The following NTM variants were observed in gnomAD, a reference collection of about 807,000 sequenced individuals.
NTM encodes IgLON family member 2.
NTM carries 13 observed loss-of-function variants against 42.1 expected under a neutral mutation model. That is an observed-to-expected ratio of 0.31 (90% confidence interval 0.20 to 0.49). The LOEUF (loss-of-function observed/expected upper bound fraction) is 0.49. NTM is among the 20% of genes least tolerant of loss of function. The pLI is 0.99. For missense variants in NTM, 373 were observed against 452.8 expected (o/e 0.82, Z 1.60); for synonymous variants, 187 against 179.2 (o/e 1.04, Z -0.35).
intron 1 of NTM, among the ~76,000 whole-genome samples, chr11:131,425,717 A>T (rs1392405708): frequency 6.6e-6 from 1 of 152,122 alleles, no homozygotes; most frequent in Non-Finnish European, 1.5e-5. Flanking sequence ...GGAGCTAGGG[A>T]GGGGGCTGAT....
intron 1 of NTM, among the ~76,000 whole-genome samples, chr11:131,585,100 G>A (rs1209568943): frequency 6.6e-6 from 1 of 152,228 alleles, no homozygotes; most frequent in Non-Finnish European, 1.5e-5. Context: ...GGACGGATGG[G>A]AGGAGGAGGA....
At chr11:131,877,944 G>T (rs536329267) in intron 1 of NTM, 1 of 152,258 alleles carries the variant, frequency 6.6e-6, no homozygotes, top group African/African-American at 2.4e-5. Flanking sequence ...CGACACCTGC[G>T]ATGGGGGTAT....
intron 1 of NTM, among the ~76,000 whole-genome samples, chr11:131,672,348 T>G (rs767248676): frequency 5.9e-5 from 9 of 152,186 alleles, no homozygotes; most frequent in Non-Finnish European, 1.2e-4. Flanking sequence ...CTTGAGCAAA[T>G]GAGCCTCCTT....
intron 1 of NTM, among the ~76,000 whole-genome samples, chr11:131,621,636 CAAAAAAAAAAAA>C (rs527788930): frequency 2.0e-5 from 2 of 98,998 alleles, no homozygotes; most frequent in Non-Finnish European, 4.0e-5. Context: ...CCTATCTTTA[CAAAAAAAAAAAA>C]AAAAAAAAAA....
chr11:131,376,340 G>A (rs903333894), intron 1 of NTM, among the ~76,000 whole-genome samples: 5 of 151,924 alleles, frequency 3.3e-5, no homozygotes, highest in Admixed American at 6.6e-5. Context: ...TGTCTGTTTC[G>A]GTTTTTCTTG....
intron 1 of NTM, among the ~76,000 whole-genome samples, chr11:131,633,306 C>G (rs530477400): frequency 1.3e-5 from 2 of 152,226 alleles, no homozygotes; most frequent in Admixed American, 6.5e-5. Context: ...ACATATTTTA[C>G]CCATCCCTTA....
chr11:131,590,706 T>C (rs907645803), intron 1 of NTM, among the ~76,000 whole-genome samples: 2 of 152,364 alleles, frequency 1.3e-5, no homozygotes, highest in African/African-American at 4.8e-5. Context: ...CTCATCTGCA[T>C]GGCAATTGAT....
chr11:132,007,410 G>C (rs1406390619), intron 2 of NTM, among the ~76,000 whole-genome samples: 1 of 152,150 alleles, frequency 6.6e-6, no homozygotes, highest in African/African-American at 2.4e-5. Context: ...CACTAGGAGA[G>C]TCAGGAGGGC....
chr11:131,820,604 C>T (rs1004180865), intron 1 of NTM, among the ~76,000 whole-genome samples: 1 of 152,148 alleles, frequency 6.6e-6, no homozygotes, highest in African/African-American at 2.4e-5. Flanking sequence ...CCCTCTCTCC[C>T]ACAGAGTTCA....
In NTM at chr11:132,252,677, G is replaced by A. The variant is rs76752421; in HGVS notation, c.526+40530G>A. 2.3e-3 allele frequency among the ~76,000 whole-genome samples: 351 copies of A among 152,236 alleles called. 1 individual carries two copies. Among genetic ancestry groups the A allele is most frequent in the African/African-American group, 8.0e-3 (333 of 41,544 alleles). On this transcript the variant is annotated intron_variant, in intron 4 of 8. Coordinates refer to ENST00000683400, the MANE Select transcript of NTM (RefSeq NM_001352005.2). ...AATTATAGATGGGAAACACAGGCTC[G>A]GATACATGAATACCTGGGTCTTTTT...
At chr11:131,569,567 C>G (rs1254080657) in intron 1 of NTM, among the ~76,000 whole-genome samples, 3 of 144,434 alleles carry the variant, frequency 2.1e-5, no homozygotes, top group African/African-American at 7.9e-5. Flanking sequence ...TTCTTTTTTT[C>G]TTCTCTCTTT....
chr11:131,637,221 T>C (rs553509702), intron 1 of NTM, among the ~76,000 whole-genome samples: 2 of 152,112 alleles, frequency 1.3e-5, no homozygotes, highest in African/African-American at 4.8e-5. Flanking sequence ...CATCCTCGGC[T>C]GGCTATGGTG....
chr11:131,897,626 A>G (rs2137638844), intron 1 of NTM, among the ~76,000 whole-genome samples: 1 of 152,362 alleles, frequency 6.6e-6, no homozygotes. Context: ...ACTCGAGTAG[A>G]GCAAATATAA....
intron 1 of NTM, among the ~76,000 whole-genome samples, chr11:131,699,962 G>A (rs940166282): frequency 7.9e-6 from 1 of 125,960 alleles, no homozygotes; most frequent in Non-Finnish European, 1.7e-5. Flanking sequence ...GTGTGTGTGT[G>A]TATTCAGTAT....
intron 1 of NTM, among the ~76,000 whole-genome samples, chr11:131,442,505 G>A (rs1949702414): frequency 6.6e-6 from 1 of 152,086 alleles, no homozygotes; most frequent in Admixed American, 6.6e-5. Flanking sequence ...TGGGCTTCTA[G>A]TGTACCCATC....
At chr11:131,390,354 A>G (rs1943847196) in intron 1 of NTM, among the ~76,000 whole-genome samples, 1 of 152,138 alleles carries the variant, frequency 6.6e-6, no homozygotes, top group Non-Finnish European at 1.5e-5. Context: ...CTCACCTCCA[A>G]TACTGGAAAT....
intron 4 of NTM, among the ~76,000 whole-genome samples, chr11:132,223,275 A>G (rs1281449937): frequency 6.6e-6 from 1 of 152,238 alleles, no homozygotes; most frequent in Non-Finnish European, 1.5e-5. Context: ...GAGAAAATCA[A>G]CACATGGCTG....
chr11:131,811,355 A>G (rs2092722119), intron 1 of NTM, among the ~76,000 whole-genome samples: 2 of 152,196 alleles, frequency 1.3e-5, no homozygotes. Context: ...AGTGATTGCT[A>G]ATGTCAAGGC....
chr11:132,097,667 T>C (rs1340089398), intron 2 of NTM, among the ~76,000 whole-genome samples: 1 of 152,246 alleles, frequency 6.6e-6, no homozygotes, highest in African/African-American at 2.4e-5. Flanking sequence ...GAAAAAGCTT[T>C]CTATTTGAGA....
Sources: allele counts gnomAD v4.1 joint callset (sites outside exome capture counted in the v4.1 genomes callset), GRCh38; gene constraint gnomAD v4.1.1; transcripts MANE v1.5; gene names NCBI Gene and HGNC (gene_info 2026-07-23, HGNC 2026-07-21).